The following AVEN variants were observed in gnomAD, a reference collection of about 807,000 sequenced individuals.
The protein encoded by AVEN is cell death regulator Aven.
A neutral mutation model predicts 38.1 loss-of-function variants in AVEN; 41 were observed. The ratio of observed to expected loss-of-function variants is 1.08; its 90% CI spans 0.84 to 1.40. AVEN has a LOEUF of 1.40. Ranked by LOEUF, AVEN falls within the 40% of genes most tolerant of loss-of-function variation. The pLI is 0.00. For missense variants in AVEN, 605 were observed against 438.8 expected (o/e 1.38, Z -3.38); for synonymous variants, 206 against 171.8 (o/e 1.20, Z -1.56).
At chr15:33,880,335 C>G (rs1198026945) in intron 2 of AVEN, among the ~76,000 whole-genome samples, 1 of 152,096 alleles carries the variant, frequency 6.6e-6, no homozygotes, top group Non-Finnish European at 1.5e-5. Context: ...AGGCATTTAT[C>G]AATTTTCAAA....
intron 1 of AVEN, among the ~76,000 whole-genome samples, chr15:34,071,437 C>G (rs1900622828): frequency 6.6e-6 from 1 of 152,026 alleles, no homozygotes; most frequent in African/African-American, 2.4e-5. Flanking sequence ...CCATATCAAG[C>G]TAATTTTTTT....
intron 2 of AVEN, among the ~76,000 whole-genome samples, chr15:33,933,514 CACACACACACAGAGAGAG>C (rs1567420584): frequency 9.1e-5 from 11 of 120,626 alleles, no homozygotes; most frequent in African/African-American, 3.5e-4. Flanking sequence ...CACACACACA[CACACACACACAGAGAGAG>C]AGAGAGAGAG....
At chr15:33,960,443 T>TGAGA (rs57914477) in intron 2 of AVEN, among the ~76,000 whole-genome samples, 3 of 150,686 alleles carry the variant, frequency 2.0e-5, no homozygotes, top group East Asian at 1.9e-4. Flanking sequence ...GTTGTGTGTG[T>TGAGA]GAGAGAGAGA....
downstream of AVEN, among the ~76,000 whole-genome samples, chr15:33,863,411 G>C (rs568347239): frequency 1.3e-5 from 2 of 152,096 alleles, no homozygotes; most frequent in Non-Finnish European, 2.9e-5. Context: ...AAGATCTGGG[G>C]CTTAGACTCT....
intron 5 of AVEN, among the ~76,000 whole-genome samples, chr15:34,060,511 A>C (rs922135676): frequency 1.3e-5 from 2 of 152,228 alleles, no homozygotes; most frequent in Non-Finnish European, 2.9e-5. Flanking sequence ...AAAAGTGTCA[A>C]GACTGGCCAT....
chr15:33,931,913 G>T (rs1025859931), intron 2 of AVEN, among the ~76,000 whole-genome samples: 7 of 152,152 alleles, frequency 4.6e-5, no homozygotes, highest in South Asian at 2.1e-4. Flanking sequence ...AGACAGAGAT[G>T]AGAGAAAGAA....
intron 2 of AVEN, among the ~76,000 whole-genome samples, chr15:33,989,879 T>C (rs1350541859): frequency 1.3e-5 from 2 of 150,282 alleles, no homozygotes; most frequent in Admixed American, 6.7e-5. Context: ...CAATAGCAAT[T>C]GAGACGGATA....
intron 2 of AVEN, among the ~76,000 whole-genome samples, chr15:33,917,629 C>T (rs144223611): frequency 0.016 from 2,453 of 151,874 alleles, 66 homozygotes; most frequent in African/African-American, 0.057. Context: ...TATATATACA[C>T]ACACACCATG....
intron 2 of AVEN, among the ~76,000 whole-genome samples, chr15:33,894,416 A>C (rs1892121656): frequency 6.6e-6 from 1 of 151,792 alleles, no homozygotes; most frequent in South Asian, 2.1e-4. Flanking sequence ...TTTTCTGGTA[A>C]ATGAAACTGA....
At chr15:33,988,014 A>G (rs1315181058) in intron 2 of AVEN, among the ~76,000 whole-genome samples, 1 of 152,094 alleles carries the variant, frequency 6.6e-6, no homozygotes, top group East Asian at 1.9e-4. Context: ...AGGCCAAAAG[A>G]CTCACCCTCC....
chr15:34,007,658 C>G (rs1350425307), intron 1 of AVEN, among the ~76,000 whole-genome samples: 1 of 152,142 alleles, frequency 6.6e-6, no homozygotes, highest in East Asian at 1.9e-4. Flanking sequence ...AGAGCAACAC[C>G]CCATTTCCTG....
chr15:34,068,816 T>TTTTG (rs1241856567), intron 2 of AVEN, among the ~76,000 whole-genome samples: 1 of 149,648 alleles, frequency 6.7e-6, no homozygotes, highest in African/African-American at 2.5e-5. Context: ...CAATCCAATT[T>TTTTG]TTTTTTTTTT....
chr15:33,869,824 A>C lies in AVEN; in HGVS notation c.612+1111T>G, dbSNP rs949351352. On this transcript the variant is annotated intron_variant, in intron 4 of 5. Transcript: ENST00000306730. The stretch of plus-strand genomic sequence containing the variant: ...TAAAATCAGTACGTCCCAAGGTTTC[A>C]CTTTTTTTTTTTTTTTTGATCGTGC... Among the ~76,000 whole-genome samples the C allele has an allele frequency of 7.0e-5, 10 of 142,566 alleles. 1 individual carries two copies. Among genetic ancestry groups the C allele is most frequent in the Non-Finnish European group, 1.4e-4 (9 of 65,906 alleles). The allele number at this position is 142,566 out of a possible 152,430, so 93.5% of individuals were successfully genotyped here. A position where few individuals can be genotyped will look rare whatever the true frequency, so the allele number is the denominator to read the frequency against.
At chr15:34,075,296 C>A (rs1324448667), upstream of AVEN, among the ~76,000 whole-genome samples, 1 of 151,762 alleles carries the variant, frequency 6.6e-6, no homozygotes, top group Non-Finnish European at 1.5e-5. Context: ...AACTTACAAT[C>A]GCAGCGGAAG....
intron 2 of AVEN, among the ~76,000 whole-genome samples, chr15:33,949,172 C>T (rs993122530): frequency 3.9e-5 from 6 of 152,096 alleles, no homozygotes; most frequent in African/African-American, 9.6e-5. Context: ...TACAGGCACC[C>T]GCCACCACGC....
At chr15:34,075,301 C>T (rs972271009), upstream of AVEN, among the ~76,000 whole-genome samples, 2 of 151,848 alleles carry the variant, frequency 1.3e-5, no homozygotes, top group Non-Finnish European at 2.9e-5. Context: ...ACAATCGCAG[C>T]GGAAGGGGAA....
At chr15:33,888,516 T>C (rs1240910487) in intron 2 of AVEN, among the ~76,000 whole-genome samples, 5 of 152,178 alleles carry the variant, frequency 3.3e-5, no homozygotes, top group Admixed American at 2.6e-4. Flanking sequence ...TTGCTGTTAC[T>C]AGAGCATAAA....
rs151334580 is a variant in AVEN, at chr15:33,958,059, C to G, written c.445+44973G>C. 1.1e-4 allele frequency among the ~76,000 whole-genome samples: 17 copies of G among 152,280 alleles called. No homozygotes were observed. The East Asian group carries it at 3.3e-3, about 29-fold the overall frequency. On this transcript the variant is annotated intron_variant, in intron 2 of 5. Coordinates refer to ENST00000306730, the MANE Select transcript of AVEN (RefSeq NM_020371.3). Reference sequence around the variant, plus strand: ...TCTAATGCACACTAAATATTAAGAACCACTATTCTATAACTTGTTTGTAGA... The same window carrying G: ...TCTAATGCACACTAAATATTAAGAAGCACTATTCTATAACTTGTTTGTAGA...
chr15:33,898,176 G>C (rs1372144317), intron 2 of AVEN, among the ~76,000 whole-genome samples: 1 of 152,192 alleles, frequency 6.6e-6, no homozygotes, highest in Non-Finnish European at 1.5e-5. Context: ...GCAACAGTGC[G>C]AGACTCCGTC....
Sources: allele counts gnomAD v4.1 joint callset (sites outside exome capture counted in the v4.1 genomes callset), GRCh38; gene constraint gnomAD v4.1.1; transcripts MANE v1.5; gene names NCBI Gene and HGNC (gene_info 2026-07-23, HGNC 2026-07-21).